ZNF136: variants seen among roughly 807,000 people sequenced by gnomAD.
ZNF136 encodes zinc finger protein 136.
A neutral mutation model predicts 11.4 loss-of-function variants in ZNF136; 8 were observed. That is an observed-to-expected ratio of 0.70 (90% CI 0.41 to 1.27). The LOEUF (loss-of-function observed/expected upper bound fraction) is 1.27, where lower values mean the gene tolerates loss of function less well. ZNF136 is among the 50% of genes most tolerant of loss of function. The pLI, the probability that ZNF136 is intolerant of heterozygous loss-of-function variation, is 0.01. For missense variants in ZNF136, 590 were observed against 656.5 expected, an observed-to-expected ratio of 0.90 and a Z score of 1.11; for synonymous variants, 190 against 207.1, an observed-to-expected ratio of 0.92 and a Z score of 0.71.
At position 12,185,902 on chromosome 19, in the gene ZNF136, G is replaced by GTTT; in HGVS notation, c.121_122insTTT (p.Ala41delinsValSer). 6.2e-7 allele frequency: 1 copy of GTTT among 1,613,522 alleles called. No homozygotes were observed. Among genetic ancestry groups the GTTT allele is most frequent in the Non-Finnish European group, 8.5e-7 (1 of 1,179,880 alleles). On this transcript the variant is annotated protein_altering_variant, in exon 2 of 4. Transcript: ENST00000343979. ...GATGTGGGAAACCATGAGGAATCTG[G>GTTT]CCTCTATAGGTAAGGATTGTATACT...
intron 1 of ZNF136, among the ~76,000 whole-genome samples, chr19:12,169,084 C>T (rs1914569101): frequency 6.6e-6 from 1 of 152,132 alleles, no homozygotes; most frequent in Non-Finnish European, 1.5e-5. Flanking sequence ...AGGGTGCCTC[C>T]ACTCCTCCCT....
At position 12,186,877 on chromosome 19, in the gene ZNF136, C is replaced by G. The variant is rs199680033; in HGVS notation, c.499C>G (p.Leu167Val). 1 of 1,614,062 alleles carries G rather than the reference C, an allele frequency of 6.2e-7. No individual in the cohort carries two copies. Among genetic ancestry groups the G allele is most frequent in the Non-Finnish European group, 8.5e-7 (1 of 1,180,008 alleles). Reference protein sequence around the residue: ...THEIIHTGEKLYDCKECGKTF... With the variant: ...THEIIHTGEKVYDCKECGKTF... ...TGAGATAATTCACACTGGAGAGAAA[C>G]TCTATGATTGTAAGGAATGTGGAAA... Residue 167 changes from leucine (L) to valine (V), a missense_variant, in exon 4 of 4, where the codon CTC becomes GTC. Physicochemically the swap from Leu to Val is conservative, Grantham distance 32. Coordinates refer to ENST00000343979, the MANE Select transcript of ZNF136 (RefSeq NM_003437.5).
intron 1 of ZNF136, among the ~76,000 whole-genome samples, chr19:12,176,789 G>A (rs975487649): frequency 1.2e-4 from 18 of 152,180 alleles, no homozygotes; most frequent in African/African-American, 4.1e-4. Context: ...GTCCTAAGGA[G>A]AGAGAGAAAG....
At chr19:12,182,970 A>C (rs1568402898) in intron 1 of ZNF136, among the ~76,000 whole-genome samples, 1 of 152,214 alleles carries the variant, frequency 6.6e-6, no homozygotes, top group Non-Finnish European at 1.5e-5. Context: ...TTACCATTAA[A>C]GCTTGAAAGA....
intron 1 of ZNF136, among the ~76,000 whole-genome samples, chr19:12,182,380 T>G (rs1914967347): frequency 6.6e-6 from 1 of 152,210 alleles, no homozygotes; most frequent in Non-Finnish European, 1.5e-5. Context: ...CAGAACTGAC[T>G]GGGGCTGCCC....
intron 1 of ZNF136, among the ~76,000 whole-genome samples, chr19:12,173,323 C>T (rs759256391): frequency 3.9e-5 from 6 of 152,130 alleles, no homozygotes; most frequent in South Asian, 2.1e-4. Context: ...TGCAGTTCTA[C>T]GGGGTGTTCC....
intron 2 of ZNF136, 98 bp downstream of exon 2, chr19:12,186,009 T>TG (rs766798907): frequency 1.3e-6 from 2 of 1,597,498 alleles, no homozygotes; most frequent in East Asian, 2.2e-5. Flanking sequence ...GGAGAGTACT[T>TG]GGGGGGCTAA....
chr19:12,187,268 T>C lies in ZNF136; in HGVS notation c.890T>C (p.Ile297Thr). The C allele has an allele frequency of 6.2e-7, 1 of 1,613,940 alleles. No homozygotes were observed. The highest frequency in any genetic ancestry group is 8.5e-7 in the Non-Finnish European group (1 of 1,179,962). ...TTCAGTTGTTCCCCAACCTTACGAA[T>C]ACATGAAAGAACCCATACTGGAGAG... ...KAFSCSPTLRIHERTHTGEKP... is the reference protein window; with the variant it reads ...KAFSCSPTLRTHERTHTGEKP... The change falls in exon 4 of 4, where the codon ATA becomes ACA. Residue 297 changes from isoleucine (I) to threonine (T), a missense_variant. Ile to Thr is a moderately conservative substitution (Grantham distance 89). Coordinates refer to ENST00000343979, the MANE Select transcript of ZNF136 (RefSeq NM_003437.5).
At chr19:12,178,205 T>TA (rs1914847225) in intron 1 of ZNF136, among the ~76,000 whole-genome samples, 1 of 152,246 alleles carries the variant, frequency 6.6e-6, no homozygotes, top group Non-Finnish European at 1.5e-5. Flanking sequence ...CCTTATCAGA[T>TA]ATATGGTTTG....
chr19:12,175,784 A>G (rs1451892057), intron 1 of ZNF136, among the ~76,000 whole-genome samples: 1 of 151,952 alleles, frequency 6.6e-6, no homozygotes, highest in Non-Finnish European at 1.5e-5. Context: ...TGTCCTAAAA[A>G]CCCTCTCATC....
At chr19:12,185,496 C>A in intron 1 of ZNF136, 1 of 254,078 alleles carries the variant, frequency 3.9e-6, no homozygotes, top group Non-Finnish European at 7.4e-6. Context: ...TTCGTTATGA[C>A]AGGTTCTACA....
At chr19:12,168,832 G>A (rs1160864254) in intron 1 of ZNF136, among the ~76,000 whole-genome samples, 3 of 151,880 alleles carry the variant, frequency 2.0e-5, no homozygotes, top group African/African-American at 7.3e-5. Flanking sequence ...CCTGCCACCA[G>A]GCCCGGCTAA....
rs551696098 is a variant in ZNF136, at chr19:12,170,992, C to T, written c.3+7786C>T. Among the ~76,000 whole-genome samples, 28 of 152,230 alleles carry T rather than the reference C, an allele frequency of 1.8e-4. No homozygotes were observed. In the East Asian group the frequency reaches 4.6e-3, roughly 25 times the overall value. ...CTGGGATTATAGGCATGCACCACCA[C>T]GCCCGGCTAATTTTGTTTTTTTAAT... On this transcript the variant is annotated intron_variant, in intron 1 of 3. Transcript: ENST00000343979.
At chr19:12,183,623 G>A (rs982276172) in intron 1 of ZNF136, among the ~76,000 whole-genome samples, 2 of 150,480 alleles carry the variant, frequency 1.3e-5, no homozygotes, top group Admixed American at 1.3e-4. Flanking sequence ...CTTGAGACAG[G>A]GTCTTCCTCT....
In ZNF136 at chr19:12,188,612, G is replaced by T. The variant is rs1388831923; in HGVS notation, c.*611G>T. The stretch of plus-strand genomic sequence containing the variant: ...ACTTGTCTGGCAAACAGGAGATGCT[G>T]GATTTCAATCCCAGCAGGGCCTCAC... On this transcript the variant is annotated 3_prime_UTR_variant, in exon 4 of 4. Coordinates refer to ENST00000343979, the MANE Select transcript of ZNF136 (RefSeq NM_003437.5). 1 of 152,190 alleles carries T rather than the reference G, an allele frequency of 6.6e-6. No individual in the cohort carries two copies. Among genetic ancestry groups the T allele is most frequent in the Non-Finnish European group, 1.5e-5 (1 of 68,036 alleles). The allele number at this position is 152,190 out of a possible 1,614,324, so 9.4% of individuals were successfully genotyped here.
intron 1 of ZNF136, among the ~76,000 whole-genome samples, chr19:12,169,031 T>C (rs1245009032): frequency 2.0e-5 from 3 of 152,156 alleles, no homozygotes; most frequent in African/African-American, 7.2e-5. Flanking sequence ...ATTATTGAAA[T>C]TGAGGAGCGT....
intron 1 of ZNF136, among the ~76,000 whole-genome samples, chr19:12,166,838 T>G (rs1381164205): frequency 6.6e-6 from 1 of 152,168 alleles, no homozygotes; most frequent in Non-Finnish European, 1.5e-5. Flanking sequence ...TCTTTAAATA[T>G]CCACATGAGG....
chr19:12,176,331 C>CT lies in ZNF136; in HGVS notation c.4-9442dup, dbSNP rs932057097. ...GTATGATCTCCTGATTCAATGAGTA[C>CT]TTTTTTTTTTTTGAGATGGAGTTTC... On this transcript the variant is annotated intron_variant, in intron 1 of 3. Transcript: ENST00000343979. Among the ~76,000 whole-genome samples the CT allele has an allele frequency of 8.2e-3, 1,204 of 146,188 alleles. 9 individuals carry two copies. The highest frequency in any genetic ancestry group is 0.028 in the African/African-American group (1,121 of 40,136).
intron 1 of ZNF136, among the ~76,000 whole-genome samples, chr19:12,177,513 T>G (rs1482204343): frequency 6.6e-6 from 1 of 152,204 alleles, no homozygotes; most frequent in African/African-American, 2.4e-5. Flanking sequence ...CATGCCCAGC[T>G]AATTTTTGTG....
Sources: gnomAD v4.1 joint callset for allele counts (sites outside exome capture counted in the v4.1 genomes callset) on GRCh38, gnomAD v4.1.1 for gene constraint, MANE v1.5 for transcripts, NCBI Gene and HGNC (gene_info 2026-07-23, HGNC 2026-07-21) for gene names.